The following HLTF variants were observed in gnomAD, a reference collection of about 807,000 sequenced individuals.
The protein encoded by HLTF is DNA-dependent ATPase/E3 ubiquitin-protein ligase HLTF.
Under a neutral mutation model 129.4 loss-of-function variants are expected in HLTF, and 127 were observed. That is an observed-to-expected ratio of 0.98 (90% CI 0.85 to 1.14). HLTF has a LOEUF of 1.14. HLTF is among the 50% of genes most tolerant of loss of function. The pLI is 0.00. For synonymous variants in HLTF, 332 were observed against 388.8 expected (o/e 0.85, Z 1.72); for missense variants, 1,139 against 1,187.1 (o/e 0.96, Z 0.60).
At chr3:149,040,243 T>C (rs1716015713) in intron 20 of HLTF, 87 bp from the exon 21 acceptor site, 1 of 1,102,266 alleles carries the variant, frequency 9.1e-7, no homozygotes, top group Non-Finnish European at 1.3e-6. Context: ...TATGCTAAAA[T>C]CTGTATCTCT....
chr3:149,050,319 A>G lies in HLTF; in HGVS notation c.1530T>C (p.Tyr510=), dbSNP rs772128982. Residue 510 remains tyrosine, a synonymous_variant, in exon 15 of 25, where the codon TAT becomes TAC. Coordinates refer to ENST00000310053, the MANE Select transcript of HLTF (RefSeq NM_003071.4). ...SDVHLNFYVY[Y]GPDRIREPAL... is the part of the protein sequence containing the mutation. Reference sequence around the variant, plus strand: ...CCGGTTCTCTAATACGATCAGGACCATAATAAACATAAAAATTCAAGTGTA... The same window carrying G: ...CCGGTTCTCTAATACGATCAGGACCGTAATAAACATAAAAATTCAAGTGTA... 2.5e-6 allele frequency: 4 copies of G among 1,596,442 alleles called. No individual in the cohort carries two copies. In the South Asian group the frequency reaches 4.5e-5, roughly 18 times the overall value.
chr3:149,046,327 A>T, intron 17 of HLTF, 68 bp from the exon 18 acceptor site: 1 of 853,766 alleles, frequency 1.2e-6, no homozygotes, highest in East Asian at 3.0e-5. Flanking sequence ...AGAAGAACGA[A>T]ACAGAACATT....
rs779640825 is a variant in HLTF at position 149,068,220 on chromosome 3, C to A, written c.990+20G>T. 4 of 1,006,724 alleles carry A rather than the reference C, an allele frequency of 4.0e-6. No homozygotes were observed. The South Asian group carries it at 4.5e-5, about 11-fold the overall frequency. 62.4% of individuals were successfully genotyped at this position (1,006,724 alleles called of 1,614,324 possible). ...AATAAACTGGAGGTTTCACATAAAGCGCACTTACTACTACTTTACCTTCTT... is the reference window on the plus strand; with the variant it reads ...AATAAACTGGAGGTTTCACATAAAGAGCACTTACTACTACTTTACCTTCTT... On this transcript the variant is annotated intron_variant, in intron 8 of 24. Transcript: ENST00000310053.
chr3:149,044,524 C>T lies in HLTF; in HGVS notation c.2072+1556G>A, dbSNP rs1428174628. Among the ~76,000 whole-genome samples, 3 of 152,070 alleles carry T rather than the reference C, an allele frequency of 2.0e-5. No homozygotes were observed. The East Asian group carries it at 5.8e-4, about 29-fold the overall frequency. On this transcript the variant is annotated intron_variant, in intron 18 of 24. Transcript: ENST00000310053. ...TAGATCTCTTTCACTTTACTCACTC[C>T]CTTGGTGATCTCATGGCTTTAATTA...
At chr3:149,080,809 AAACAGGACATAT>A (rs1284371265) in intron 2 of HLTF, among the ~76,000 whole-genome samples, 1 of 152,200 alleles carries the variant, frequency 6.6e-6, no homozygotes, top group Non-Finnish European at 1.5e-5. Context: ...CAGCAAGAAA[AAACAGGACATAT>A]AAAAAAACAA....
intron 13 of HLTF, among the ~76,000 whole-genome samples, chr3:149,057,396 A>G (rs1717555923): frequency 6.6e-6 from 1 of 152,168 alleles, no homozygotes; most frequent in Non-Finnish European, 1.5e-5. Flanking sequence ...ACTGCACTCT[A>G]GCCTGGGCGA....
chr3:149,070,252 C>T (rs898529968), intron 7 of HLTF, among the ~76,000 whole-genome samples: 20 of 152,158 alleles, frequency 1.3e-4, no homozygotes, highest in African/African-American at 4.8e-4. Context: ...AACATACCGT[C>T]GTAAGGACAA....
intron 22 of HLTF, 103 bp from the exon 23 acceptor site, chr3:149,039,332 TA>T: frequency 1.1e-6 from 1 of 898,346 alleles, no homozygotes; most frequent in Non-Finnish European, 1.6e-6. Context: ...TTCACTCATT[TA>T]TTTTAACAAA....
rs1486201535 is a variant in HLTF, at chr3:149,031,773, ATAGTC to A, written c.*442_*446del. 1.3e-5 allele frequency: 2 copies of A among 152,226 alleles called. No individual in the cohort carries two copies. The highest frequency in any genetic ancestry group is 1.3e-4 in the Admixed American group (2 of 15,280). The allele number at this position is 152,226 out of a possible 1,614,324, so 9.4% of individuals were successfully genotyped here. On this transcript the variant is annotated 3_prime_UTR_variant, in exon 25 of 25. Coordinates refer to ENST00000310053, the MANE Select transcript of HLTF (RefSeq NM_003071.4). ...AAAGCCCAATAAAATTAATTCTTGT[ATAGTC>A]TGTATATATTGTTTACAAGGACTAC...
At position 149,042,195 on chromosome 3, in the gene HLTF, G is replaced by A; in HGVS notation, c.2168C>T (p.Thr723Ile). Residue 723 changes from threonine (T) to isoleucine (I), a missense_variant, in exon 19 of 25, where the codon ACA (threonine) becomes ATA (isoleucine). Transcript: ENST00000310053. ...GGGGCCATTGGAAGACACTGCATTT[G>A]TAAGAAGGTAAGTATGGCAACAAAT... ...RQICCHTYLL[T>I]NAVSSNGPSG... 1 of 1,613,170 alleles carries A rather than the reference G, an allele frequency of 6.2e-7. No individual in the cohort carries two copies.
At chr3:149,067,388 T>C (rs1718476677) in intron 8 of HLTF, among the ~76,000 whole-genome samples, 1 of 152,298 alleles carries the variant, frequency 6.6e-6, no homozygotes, top group East Asian at 1.9e-4. Flanking sequence ...AAAAGAATCA[T>C]GAAAGTGATT....
chr3:149,033,381 ATATCT>A (rs1175451441), intron 24 of HLTF, among the ~76,000 whole-genome samples: 1 of 152,120 alleles, frequency 6.6e-6, no homozygotes, highest in Admixed American at 6.5e-5. Context: ...AAATCTCAAG[ATATCT>A]TAAATGGGAT....
intron 18 of HLTF, among the ~76,000 whole-genome samples, chr3:149,042,980 TA>T (rs1337975602): frequency 2.6e-5 from 4 of 151,194 alleles, no homozygotes; most frequent in African/African-American, 4.9e-5. Context: ...AGAGCAAAGG[TA>T]GGGGACACAT....
intron 9 of HLTF, 136 bp downstream of exon 9, chr3:149,064,655 C>T: frequency 1.8e-6 from 1 of 566,836 alleles, no homozygotes. Flanking sequence ...AAAAAGAGAT[C>T]CTAAATTTTT....
intron 13 of HLTF, among the ~76,000 whole-genome samples, chr3:149,058,814 C>T (rs1253612902): frequency 6.6e-6 from 1 of 152,184 alleles, no homozygotes; most frequent in South Asian, 2.1e-4. Context: ...ACAGCTGTGA[C>T]TTTGAAAATG....
chr3:149,085,111 G>A (rs1007008268), intron 1 of HLTF, among the ~76,000 whole-genome samples: 1 of 152,122 alleles, frequency 6.6e-6, no homozygotes, highest in Non-Finnish European at 1.5e-5. Flanking sequence ...TGCCCCCTAG[G>A]TATTCAAAAT....
chr3:149,034,194 C>A (rs1170309314), intron 24 of HLTF, among the ~76,000 whole-genome samples: 1 of 152,014 alleles, frequency 6.6e-6, no homozygotes, highest in African/African-American at 2.4e-5. Context: ...ATTTTGAAAC[C>A]AACTCGATAG....
intron 14 of HLTF, among the ~76,000 whole-genome samples, chr3:149,054,837 T>A (rs1320751022): frequency 1.3e-5 from 2 of 152,128 alleles, no homozygotes; most frequent in Non-Finnish European, 2.9e-5. Context: ...ACCTGGAAAA[T>A]CAGGGTAACA....
chr3:149,056,969 G>A (rs1047969365), intron 13 of HLTF, among the ~76,000 whole-genome samples: 1 of 151,070 alleles, frequency 6.6e-6, no homozygotes, highest in Non-Finnish European at 1.5e-5. Flanking sequence ...ATTAGCCGGG[G>A]GAGGTGGCGG....
Sources: gnomAD v4.1 joint callset for allele counts (sites outside exome capture counted in the v4.1 genomes callset) on GRCh38, gnomAD v4.1.1 for gene constraint, MANE v1.5 for transcripts, NCBI Gene and HGNC (gene_info 2026-07-23, HGNC 2026-07-21) for gene names.